MYO9A: variants seen among roughly 807,000 people sequenced by gnomAD.
MYO9A encodes the protein myosin IXA, also known as unconventional myosin-IXa.
Under a neutral mutation model 293.3 loss-of-function variants are expected in MYO9A, and 103 were observed. The observed-to-expected ratio is 0.35, with a 90% CI of 0.30 to 0.41. The LOEUF (loss-of-function observed/expected upper bound fraction) is 0.41. MYO9A is among the 10% of genes least tolerant of loss of function. The pLI is 1.00. For missense variants in MYO9A, 2,685 were observed against 3,033.0 expected (o/e 0.89, Z 2.69); for synonymous variants, 1,001 against 1,035.7 (o/e 0.97, Z 0.64).
intron 15 of MYO9A, among the ~76,000 whole-genome samples, chr15:71,940,976 TA>T (rs1196726617): frequency 1.3e-5 from 2 of 150,688 alleles, no homozygotes; most frequent in African/African-American, 4.9e-5. Flanking sequence ...GGAGGAGGAG[TA>T]AATTTCTAGA....
At chr15:71,987,889 T>C (rs746625259) in intron 11 of MYO9A, among the ~76,000 whole-genome samples, 1 of 152,276 alleles carries the variant, frequency 6.6e-6, no homozygotes, top group Admixed American at 6.5e-5. Context: ...TGATCCATAA[T>C]TGCACCACAT....
At chr15:71,991,485 A>G (rs559046759) in intron 10 of MYO9A, among the ~76,000 whole-genome samples, 1 of 152,328 alleles carries the variant, frequency 6.6e-6, no homozygotes, top group Admixed American at 6.5e-5. Context: ...AAATATGTGA[A>G]GCAAGGTTAG....
chr15:71,946,323 G>T (rs1028217838), intron 15 of MYO9A, among the ~76,000 whole-genome samples: 2 of 152,090 alleles, frequency 1.3e-5, no homozygotes, highest in Non-Finnish European at 2.9e-5. Flanking sequence ...CCTAAACTTC[G>T]TGTGGGGGGA....
intron 4 of MYO9A, among the ~76,000 whole-genome samples, chr15:72,022,834 G>A (rs1380354160): frequency 6.6e-6 from 1 of 151,918 alleles, no homozygotes; most frequent in Non-Finnish European, 1.5e-5. Flanking sequence ...ACAAGCGTGA[G>A]TCACCACACC....
At chr15:72,103,059 G>GC (rs71133957) in intron 1 of MYO9A, among the ~76,000 whole-genome samples, 146,394 of 146,394 alleles carry the variant, frequency 1, 73,197 homozygotes, top group Non-Finnish European at 1. Context: ...TCTGTTCACT[G>GC]AACCTCCACT....
chr15:71,893,561 TAA>T, intron 26 of MYO9A, 116 bp downstream of exon 26: 1 of 772,566 alleles, frequency 1.3e-6, no homozygotes, highest in Non-Finnish European at 2.1e-6. Context: ...CTTCTTTCTC[TAA>T]AAACACTTGG....
chr15:71,841,637 A>T (rs2141014694), intron 39 of MYO9A, among the ~76,000 whole-genome samples: 1 of 150,952 alleles, frequency 6.6e-6, no homozygotes, highest in South Asian at 2.1e-4. Flanking sequence ...TTTATTTTAA[A>T]TTTTTCTTTA....
chr15:71,956,883 A>C (rs866269396), intron 14 of MYO9A, among the ~76,000 whole-genome samples: 4 of 129,744 alleles, frequency 3.1e-5, no homozygotes, highest in Middle Eastern at 4.3e-3. Context: ...ATATATATAT[A>C]TCTTAATGCT....
chr15:71,862,628 A>G lies in MYO9A; in HGVS notation c.5980-17T>C. ...TTCTTCCACCTGAATGAAAAAATTT[A>G]GCTACTTATATTAAAGCCAACACAG... On this transcript the variant is annotated splice_polypyrimidine_tract_variant and intron_variant, in intron 32 of 41. Coordinates refer to ENST00000356056, the MANE Select transcript of MYO9A (RefSeq NM_006901.4). The G allele has an allele frequency of 1.3e-6, 2 of 1,540,234 alleles. No homozygotes were observed. The highest frequency in any genetic ancestry group is 1.8e-6 in the Non-Finnish European group (2 of 1,113,902).
chr15:71,864,950 G>T (rs891514397), intron 32 of MYO9A, among the ~76,000 whole-genome samples: 5 of 152,126 alleles, frequency 3.3e-5, no homozygotes, highest in African/African-American at 7.2e-5. Flanking sequence ...TAAATTTGTG[G>T]TAAGTAAATT....
chr15:71,881,851 T>C (rs1191758855), intron 28 of MYO9A, among the ~76,000 whole-genome samples: 1 of 152,206 alleles, frequency 6.6e-6, no homozygotes, highest in African/African-American at 2.4e-5. Context: ...ATAAAAAACT[T>C]AGAAGGATGA....
At chr15:72,058,488 C>G (rs902929303) in intron 1 of MYO9A, among the ~76,000 whole-genome samples, 3 of 152,046 alleles carry the variant, frequency 2.0e-5, no homozygotes, top group Non-Finnish European at 2.9e-5. Flanking sequence ...ATAAAGATGA[C>G]ATTTCAAGTC....
chr15:72,054,916 T>G (rs1329301211), intron 1 of MYO9A, among the ~76,000 whole-genome samples: 2 of 151,310 alleles, frequency 1.3e-5, no homozygotes, highest in African/African-American at 2.4e-5. Context: ...AAAGGACACT[T>G]TTACTGAAAG....
intron 1 of MYO9A, 80 bp downstream of exon 1, chr15:72,117,600 C>T: frequency 5.1e-6 from 2 of 389,628 alleles, no homozygotes; most frequent in Non-Finnish European, 9.1e-6. Context: ...GGCGGGGCGG[C>T]CCGACCGGAG....
At chr15:71,878,711 G>C (rs1054116027) in intron 30 of MYO9A, among the ~76,000 whole-genome samples, 1 of 143,890 alleles carries the variant, frequency 6.9e-6, no homozygotes, top group Non-Finnish European at 1.5e-5. Context: ...AACTGAAATA[G>C]AATTTCTTTT....
chr15:71,908,266 G>A (rs557659568), intron 19 of MYO9A, among the ~76,000 whole-genome samples: 22 of 152,222 alleles, frequency 1.4e-4, no homozygotes, highest in East Asian at 1.2e-3. Context: ...GATATACAGC[G>A]TTATTTCTGA....
At chr15:72,068,048 T>C (rs1016014642) in intron 1 of MYO9A, among the ~76,000 whole-genome samples, 2 of 152,310 alleles carry the variant, frequency 1.3e-5, no homozygotes, top group Non-Finnish European at 2.9e-5. Flanking sequence ...AATGATTTTC[T>C]TTTCTAAGTC....
chr15:71,994,585 C>G lies in MYO9A; in HGVS notation c.1471G>C (p.Ala491Pro). 1 of 1,572,306 alleles carries G rather than the reference C, an allele frequency of 6.4e-7. No individual in the cohort carries two copies. The highest frequency in any genetic ancestry group is 8.6e-7 in the Non-Finnish European group (1 of 1,158,134). ...GCCATGGAGTTCCTCACTGTCACAG[C>G]CTGAAAAACAAAAGCATTACAAGTG... ...KLILPYKLAE[A>P]VTVRNSMAKS... Residue 491 changes from alanine (A) to proline (P), a missense_variant and splice_region_variant, in exon 10 of 42, where the codon GCT becomes CCT. Ala to Pro is a conservative substitution (Grantham distance 27). Around this residue, in one of 10 missense-constraint regions of MYO9A, gnomAD observed 289 missense variants for 456.8 expected, o/e 0.63. Transcript: ENST00000356056.
rs536335972 is a variant in MYO9A, at chr15:71,921,961, T to C, written c.2563-5469A>G. On this transcript the variant is annotated intron_variant, in intron 18 of 41. Coordinates refer to ENST00000356056, the MANE Select transcript of MYO9A (RefSeq NM_006901.4). ...TCCCTAAACACTGCATGCTGCTTCCTGGCAATCTTTTTCTACTTTTTTTTT... is the reference window on the plus strand; with the variant it reads ...TCCCTAAACACTGCATGCTGCTTCCCGGCAATCTTTTTCTACTTTTTTTTT... Among the ~76,000 whole-genome samples, 3 of 152,226 alleles carry C rather than the reference T, an allele frequency of 2.0e-5. No individual in the cohort carries two copies. The East Asian group carries it at 5.8e-4, about 29-fold the overall frequency.
Sources: allele counts gnomAD v4.1 joint callset (sites outside exome capture counted in the v4.1 genomes callset), GRCh38; gene constraint gnomAD v4.1.1; regional missense constraint gnomAD v4.1.1; transcripts MANE v1.5; gene names NCBI Gene and HGNC (gene_info 2026-07-23, HGNC 2026-07-21).